Variants in GLIS3 observed in about 807,000 individuals in gnomAD.
GLIS3 encodes GLIS family zinc finger 3.
GLIS3 carries 53 observed loss-of-function variants against 78.6 expected under a neutral mutation model. That is an observed-to-expected ratio of 0.67 (90% CI 0.54 to 0.85). The LOEUF (loss-of-function observed/expected upper bound fraction) is 0.85. Ranked by LOEUF, GLIS3 falls within the 40% of genes least tolerant of loss-of-function variation. The probability of loss-of-function intolerance (pLI) is 0.00; values close to 1 mark genes in which losing one functional copy is unlikely to be tolerated. For synonymous variants in GLIS3, 684 were observed against 509.9 expected (o/e 1.34, Z -4.60); for missense variants, 1,703 against 1,231.1 (o/e 1.38, Z -5.74).
chr9:4,264,556 G>C (rs775475606), intron 2 of GLIS3, among the ~76,000 whole-genome samples: 1 of 152,094 alleles, frequency 6.6e-6, no homozygotes, highest in Non-Finnish European at 1.5e-5. Context: ...TGACCTGGCT[G>C]TACCTCAATC....
At chr9:4,052,445 A>G (rs1233412858) in intron 4 of GLIS3, among the ~76,000 whole-genome samples, 1 of 152,102 alleles carries the variant, frequency 6.6e-6, no homozygotes, top group Non-Finnish European at 1.5e-5. Context: ...GAACATTTTC[A>G]TTACCCTGAA....
At chr9:4,250,886 G>C (rs950547332) in intron 2 of GLIS3, among the ~76,000 whole-genome samples, 38 of 152,298 alleles carry the variant, frequency 2.5e-4, no homozygotes, top group African/African-American at 8.9e-4. Context: ...AGTCATTCAG[G>C]AGCAGGTTGT....
intron 4 of GLIS3, among the ~76,000 whole-genome samples, chr9:4,101,688 G>T (rs1830383774): frequency 6.6e-6 from 1 of 152,102 alleles, no homozygotes; most frequent in African/African-American, 2.4e-5. Flanking sequence ...CCAATTAGCT[G>T]GTTTCAAAAA....
intron 4 of GLIS3, among the ~76,000 whole-genome samples, chr9:3,985,463 T>C (rs1819665197): frequency 6.6e-6 from 1 of 152,206 alleles, no homozygotes; most frequent in South Asian, 2.1e-4. Context: ...CAAAATTAAA[T>C]ACAAGTGTCC....
At chr9:4,318,023 A>G (rs1817466506) in intron 2 of GLIS3, among the ~76,000 whole-genome samples, 1 of 152,248 alleles carries the variant, frequency 6.6e-6, no homozygotes, top group Middle Eastern at 3.2e-3. Context: ...ATAATGTCAG[A>G]AAAGCAACTA....
At chr9:4,400,176 C>T in the GLIS3 span, among the ~76,000 whole-genome samples, 7 of 152,276 alleles carry the variant, frequency 4.6e-5, 1 homozygote, top group African/African-American at 1.7e-4. Flanking sequence ...TATCGCTTCT[C>T]GGCCTTTTGG....
chr9:3,989,526 T>C (rs1437788267), intron 4 of GLIS3, among the ~76,000 whole-genome samples: 2 of 152,172 alleles, frequency 1.3e-5, no homozygotes, highest in African/African-American at 4.8e-5. Flanking sequence ...TACTGTGGAA[T>C]AAACATACCA....
chr9:4,137,212 A>G (rs1461707666), intron 2 of GLIS3, among the ~76,000 whole-genome samples: 1 of 152,196 alleles, frequency 6.6e-6, no homozygotes, highest in Non-Finnish European at 1.5e-5. Context: ...GGGGCCATAT[A>G]ATGTCTATTT....
intron 4 of GLIS3, among the ~76,000 whole-genome samples, chr9:4,057,241 A>C (rs1228151296): frequency 6.6e-6 from 1 of 152,086 alleles, no homozygotes; most frequent in Admixed American, 6.6e-5. Context: ...CCTCCACACT[A>C]TGTTTAATAC....
intron 4 of GLIS3, among the ~76,000 whole-genome samples, chr9:4,307,504 T>C (rs10974446): frequency 0.25 from 37,983 of 151,842 alleles, 4,995 homozygotes; most frequent in African/African-American, 0.32. Context: ...AGGCTTTCTC[T>C]GATAGGGAGA....
chr9:3,934,764 C>T (rs1343985458), intron 5 of GLIS3, among the ~76,000 whole-genome samples: 2 of 152,156 alleles, frequency 1.3e-5, no homozygotes, highest in East Asian at 3.9e-4. Flanking sequence ...CCCACTGTTC[C>T]TCTCAGCTGA....
intron 9 of GLIS3, among the ~76,000 whole-genome samples, chr9:3,849,246 G>A (rs1158111521): frequency 1.3e-5 from 2 of 152,204 alleles, no homozygotes; most frequent in African/African-American, 4.8e-5. Flanking sequence ...GAATGAATCT[G>A]TCTGTGATTA....
rs1402150301 is a variant in GLIS3, at chr9:4,118,658, A to G, written c.820T>C (p.Phe274Leu). ...SVSNSLPSYL[F>L]GTESSHSPYP... The stretch of plus-strand genomic sequence containing the variant: ...GGAGAGTGGCTACTTTCCGTGCCAA[A>G]AAGGTAGGATGGTAATGAGTTAGAG... The change falls in exon 4 of 11, where the codon TTT becomes CTT. Residue 274 changes from phenylalanine (F) to leucine (L), a missense_variant. Transcript: ENST00000381971. The surrounding 1 kb of genome is among the most constrained non-coding windows in gnomAD (Gnocchi z 4.7). 6.2e-7 allele frequency: 1 copy of G among 1,614,110 alleles called. No individual in the cohort carries two copies. The highest frequency in any genetic ancestry group is 8.5e-7 in the Non-Finnish European group (1 of 1,180,028).
intron 4 of GLIS3, among the ~76,000 whole-genome samples, chr9:4,089,953 C>T (rs1829357876): frequency 6.6e-6 from 1 of 152,206 alleles, no homozygotes; most frequent in Non-Finnish European, 1.5e-5. Flanking sequence ...AGTGGTGCCT[C>T]CCACTGTGTG....
intron 4 of GLIS3, among the ~76,000 whole-genome samples, chr9:3,982,023 T>C (rs1707091370): frequency 6.6e-6 from 1 of 151,828 alleles, no homozygotes; most frequent in Non-Finnish European, 1.5e-5. Flanking sequence ...TAAAAAAAAA[T>C]GCTGGATTGG....
chr9:3,976,629 T>A (rs1260901878), intron 4 of GLIS3, among the ~76,000 whole-genome samples: 1 of 150,880 alleles, frequency 6.6e-6, no homozygotes, highest in East Asian at 1.9e-4. Flanking sequence ...ATTCAGAACA[T>A]CTCAATCAGG....
At chr9:4,374,289 C>T in the GLIS3 span, among the ~76,000 whole-genome samples, 2 of 152,196 alleles carry the variant, frequency 1.3e-5, no homozygotes, top group African/African-American at 4.8e-5. Flanking sequence ...GGGCTAAATC[C>T]TCTATATCTT....
intron 4 of GLIS3, among the ~76,000 whole-genome samples, chr9:3,989,982 G>A (rs1159523953): frequency 6.6e-6 from 1 of 152,134 alleles, no homozygotes; most frequent in Admixed American, 6.5e-5. Flanking sequence ...ACTAACATTG[G>A]GGGAAACTAG....
chr9:4,228,252 T>A (rs149626429), intron 2 of GLIS3, among the ~76,000 whole-genome samples: 1 of 146,794 alleles, frequency 6.8e-6, no homozygotes, highest in East Asian at 2.0e-4. Context: ...TGAATGATGA[T>A]GAATTTAGTT....
Sources: gnomAD v4.1 joint callset for allele counts (sites outside exome capture counted in the v4.1 genomes callset) on GRCh38, gnomAD v4.1.1 for gene constraint, Gnocchi (gnomAD v3.1) non-coding constraint, MANE v1.5 for transcripts, NCBI Gene and HGNC (gene_info 2026-07-23, HGNC 2026-07-21) for gene names.